The following IL11RA variants were observed in gnomAD, a reference collection of about 807,000 sequenced individuals.
IL11RA encodes interleukin 11 receptor subunit alpha.
IL11RA carries 51 observed loss-of-function variants against 57.0 expected under a neutral mutation model. The ratio of observed to expected loss-of-function variants is 0.89; its 90% CI spans 0.71 to 1.13. The LOEUF (loss-of-function observed/expected upper bound fraction) is 1.13, where lower values mean the gene tolerates loss of function less well. Ranked by LOEUF, IL11RA falls within the 50% of genes most tolerant of loss-of-function variation. The pLI is 0.00. For missense variants in IL11RA, 498 were observed against 539.4 expected (o/e 0.92, Z 0.76); for synonymous variants, 199 against 217.5 (o/e 0.91, Z 0.75).
At chr9:34,657,274 C>T in intron 5 of IL11RA, 29 bp from the exon 6 acceptor site, 1 of 1,614,118 alleles carries the variant, frequency 6.2e-7, no homozygotes, top group South Asian at 1.1e-5. Context: ...CTTTTCCTTC[C>T]TGACTTCAGA....
rs1821398324 is a variant in IL11RA, at chr9:34,658,746, G to A, written c.810+63G>A. 1 of 1,571,426 alleles carries A rather than the reference G, an allele frequency of 6.4e-7. No homozygotes were observed. Among genetic ancestry groups the A allele is most frequent in the African/African-American group, 1.3e-5 (1 of 74,278 alleles). ...TCCTGTCTCTGATTTCACGATCCTGGGTGTTCTGTATAGCTTTCCAGTGCT... is the reference window on the plus strand; with the variant it reads ...TCCTGTCTCTGATTTCACGATCCTGAGTGTTCTGTATAGCTTTCCAGTGCT... On this transcript the variant is annotated intron_variant, in intron 8 of 12. Transcript: ENST00000441545. This position sits in a 1 kb window ranked among gnomAD's most constrained non-coding sequence, Gnocchi z 4.0.
intron 12 of IL11RA, 53 bp downstream of exon 12, chr9:34,660,989 A>G (rs1821446435): frequency 7.0e-7 from 1 of 1,430,012 alleles, no homozygotes; most frequent in East Asian, 2.3e-5. Context: ...CCCTATTTTG[A>G]GTGTCCAGAT....
At chr9:34,656,533 G>A (rs1444091220) in intron 3 of IL11RA, among the ~76,000 whole-genome samples, 2 of 152,196 alleles carry the variant, frequency 1.3e-5, no homozygotes, top group East Asian at 1.9e-4. Flanking sequence ...CAATGTAGCT[G>A]GAGTTTTCAG....
chr9:34,661,505 C>G lies in IL11RA; in HGVS notation c.*7C>G, dbSNP rs934200482. 1 of 1,613,820 alleles carries G rather than the reference C, an allele frequency of 6.2e-7. No homozygotes were observed. The highest frequency in any genetic ancestry group is 2.2e-5 in the East Asian group (1 of 44,882). On this transcript the variant is annotated 3_prime_UTR_variant, in exon 13 of 13. Coordinates refer to ENST00000441545, the MANE Select transcript of IL11RA (RefSeq NM_001142784.3). The stretch of plus-strand genomic sequence containing the variant: ...AGGAGCTCCAAACCTGTAGAGGACC[C>G]AGGAGGGCTTCGGCAGATTCCACCT...
rs1821430432 is a variant in IL11RA at position 34,660,354 on chromosome 9, C to T, written c.1033C>T (p.Pro345Ser). The change falls in exon 10 of 13, where the codon CCT (proline) becomes TCT (serine). Residue 345 changes from proline to serine, a missense_variant. Physicochemically the swap from Pro to Ser is moderately conservative, Grantham distance 74 (BLOSUM62 -1). Transcript: ENST00000441545. Reference sequence around the variant, plus strand: ...GGAGCCTCAGGTGGACAGCCCTGCTCCTCCAAGGCCCTCCCTCCAACCACA... The same window carrying T: ...GGAGCCTCAGGTGGACAGCCCTGCTTCTCCAAGGCCCTCCCTCCAACCACA... Reference protein sequence around the residue: ...EVEPQVDSPAPPRPSLQPHPR... With the variant: ...EVEPQVDSPASPRPSLQPHPR... The T allele has an allele frequency of 1.2e-6, 2 of 1,614,196 alleles. No homozygotes were observed. The highest frequency in any genetic ancestry group is 1.7e-6 in the Non-Finnish European group (2 of 1,180,004).
intron 1 of IL11RA, chr9:34,654,145 T>G (rs3808868): frequency 0.41 from 62,670 of 152,640 alleles, 14,163 homozygotes; most frequent in East Asian, 0.52. Context: ...TCTTCTGGTC[T>G]TGTTCCCAGA....
rs2132358762 is a variant in IL11RA at position 34,659,771 on chromosome 9, G to A, written c.823G>A (p.Gly275Arg). 1 of 1,614,200 alleles carries A rather than the reference G, an allele frequency of 6.2e-7. No homozygotes were observed. Residue 275 changes from glycine to arginine, a missense_variant, in exon 9 of 13, where the codon GGA becomes AGA. Gly to Arg is a moderately radical substitution (Grantham distance 125). Coordinates refer to ENST00000441545, the MANE Select transcript of IL11RA (RefSeq NM_001142784.3). ...TGTTTACCCCCAGGTGGAGCCAGCTGGACTGGAGGAGGTGATCACAGATGC... is the reference window on the plus strand; with the variant it reads ...TGTTTACCCCCAGGTGGAGCCAGCTAGACTGGAGGAGGTGATCACAGATGC... ...HPAWSTVEPAGLEEVITDAVA... is the reference protein window; with the variant it reads ...HPAWSTVEPARLEEVITDAVA...
In IL11RA at chr9:34,658,712, G is replaced by A; in HGVS notation, c.810+29G>A. Reference sequence around the variant, plus strand: ...AGGCCTGGAGTGCGTCCCAACCCACGGCTGTGGGTCCTGTCTCTGATTTCA... The same window carrying A: ...AGGCCTGGAGTGCGTCCCAACCCACAGCTGTGGGTCCTGTCTCTGATTTCA... On this transcript the variant is annotated intron_variant, in intron 8 of 12. Coordinates refer to ENST00000441545, the MANE Select transcript of IL11RA (RefSeq NM_001142784.3). This position sits in a 1 kb window ranked among gnomAD's most constrained non-coding sequence, Gnocchi z 4.0. 8 of 1,604,482 alleles carry A rather than the reference G, an allele frequency of 5.0e-6. No homozygotes were observed. Among genetic ancestry groups the A allele is most frequent in the East Asian group, 4.5e-5 (2 of 44,852 alleles).
chr9:34,658,530 C>T lies in IL11RA; in HGVS notation c.657C>T (p.Asp219=), dbSNP rs751122939. ...DVSLQSILRP[D]PPQGLRVESV... ...TCTTGATGCCCTTAGTGCGCCCTGA[C>T]CCACCCCAGGGCCTGCGGGTAGAGT... The change falls in exon 8 of 13, where the codon GAC becomes GAT. Residue 219 remains aspartate (D), a synonymous_variant. Coordinates refer to ENST00000441545, the MANE Select transcript of IL11RA (RefSeq NM_001142784.3). The surrounding 1 kb of genome is among the most constrained non-coding windows in gnomAD (Gnocchi z 4.0). The T allele has an allele frequency of 2.5e-6, 4 of 1,614,192 alleles. No individual in the cohort carries two copies. The South Asian group carries it at 4.4e-5, about 18-fold the overall frequency.
In IL11RA at chr9:34,658,667, A is replaced by C; in HGVS notation, c.794A>C (p.His265Pro). ...KFRLQYRPAQ[H>P]PAWSTVEPAG... ...CGTTTGCAGTACCGTCCGGCGCAGC[A>C]TCCAGCCTGGTCCACGGTGAGGCCT... The change falls in exon 8 of 13, where the codon CAT becomes CCT. Residue 265 changes from histidine to proline, a missense_variant. Coordinates refer to ENST00000441545, the MANE Select transcript of IL11RA (RefSeq NM_001142784.3). The surrounding 1 kb of genome is among the most constrained non-coding windows in gnomAD (Gnocchi z 4.0). 6.2e-7 allele frequency: 1 copy of C among 1,613,244 alleles called. No individual in the cohort carries two copies. Among genetic ancestry groups the C allele is most frequent in the Non-Finnish European group, 8.5e-7 (1 of 1,180,026 alleles).
rs377421299 is a variant in IL11RA, at chr9:34,657,130, C to T, written c.427C>T (p.Arg143Cys). 72 of 1,613,882 alleles carry T rather than the reference C, an allele frequency of 4.5e-5. 1 individual carries two copies. Among genetic ancestry groups the T allele is most frequent in the South Asian group, 3.6e-4 (33 of 91,078 alleles). ...SPSQISGLPTRYLTSYRKKTV... is the reference protein window; with the variant it reads ...SPSQISGLPTCYLTSYRKKTV... ...CAGCCAGATCAGCGGTTTACCCACCCGCTACCTCACCTCCTACAGGTGTGT... is the reference window on the plus strand; with the variant it reads ...CAGCCAGATCAGCGGTTTACCCACCTGCTACCTCACCTCCTACAGGTGTGT... Residue 143 changes from arginine (R) to cysteine (C), a missense_variant, in exon 5 of 13, where the codon CGC becomes TGC. Coordinates refer to ENST00000441545, the MANE Select transcript of IL11RA (RefSeq NM_001142784.3).
Position 34,658,406 on chromosome 9 carries a change from C to T in IL11RA, c.647-114C>T. On this transcript the variant is annotated intron_variant, in intron 7 of 12. Transcript: ENST00000441545. This position sits in a 1 kb window ranked among gnomAD's most constrained non-coding sequence, Gnocchi z 4.0. ...ATGGATGATCAAGTTTAAGATTTCC[C>T]CTCCCCTCTCAGGAGTGTCTGGCTA... 1 of 1,064,974 alleles carries T rather than the reference C, an allele frequency of 9.4e-7. No individual in the cohort carries two copies. Among genetic ancestry groups the T allele is most frequent in the Non-Finnish European group, 1.5e-6 (1 of 686,882 alleles). The allele number at this position is 1,064,974 out of a possible 1,614,324, so 66.0% of individuals were successfully genotyped here.
chr9:34,658,451 CTT>C lies in IL11RA; in HGVS notation c.647-67_647-66del. The C allele has an allele frequency of 1.3e-6, 2 of 1,514,994 alleles. No individual in the cohort carries two copies. Among genetic ancestry groups the C allele is most frequent in the Non-Finnish European group, 1.8e-6 (2 of 1,089,572 alleles). The allele number at this position is 1,514,994 out of a possible 1,614,324, so 93.8% of individuals were successfully genotyped here. A position where few individuals can be genotyped will look rare whatever the true frequency, so the allele number is the denominator to read the frequency against. On this transcript the variant is annotated intron_variant, in intron 7 of 12. Coordinates refer to ENST00000441545, the MANE Select transcript of IL11RA (RefSeq NM_001142784.3). This position sits in a 1 kb window ranked among gnomAD's most constrained non-coding sequence, Gnocchi z 4.0. ...TGGCTAAGGCTCCTTTAAACACACA[CTT>C]TGGGAAGTGGTGGGGAAGTGATGGA...
Position 34,658,955 on chromosome 9 carries a change from C to T in IL11RA, c.810+272C>T, listed in dbSNP as rs1450948394. On this transcript the variant is annotated intron_variant, in intron 8 of 12. Coordinates refer to ENST00000441545, the MANE Select transcript of IL11RA (RefSeq NM_001142784.3). The surrounding 1 kb of genome is among the most constrained non-coding windows in gnomAD (Gnocchi z 4.0). ...ACTTTTTTTTTTTGAGAGGGAGTCT[C>T]GCTCTGTCACCTAGGCTGGAGTGCA... 1.3e-5 allele frequency among the ~76,000 whole-genome samples: 2 copies of T among 151,960 alleles called. No homozygotes were observed. Among genetic ancestry groups the T allele is most frequent in the African/African-American group, 4.8e-5 (2 of 41,348 alleles).
At position 34,658,348 on chromosome 9, in the gene IL11RA, C is replaced by T. The variant is rs1821386302; in HGVS notation, c.647-172C>T. Among the ~76,000 whole-genome samples, 2 of 152,188 alleles carry T rather than the reference C, an allele frequency of 1.3e-5. No homozygotes were observed. The highest frequency in any genetic ancestry group is 1.5e-5 in the Non-Finnish European group (1 of 68,028). On this transcript the variant is annotated intron_variant, in intron 7 of 12. Transcript: ENST00000441545. The surrounding 1 kb of genome is among the most constrained non-coding windows in gnomAD (Gnocchi z 4.0). ...TGAGCCACCACACGCGGCCTCAGCC[C>T]ATTTCATAATACAGATGACCGGTCT...
In IL11RA at chr9:34,657,147, C is replaced by T. The variant is rs1009159318; in HGVS notation, c.444C>T (p.Tyr148=). ...TACCCACCCGCTACCTCACCTCCTA[C>T]AGGTGTGTGTGTGATTGGGTGTGGA... ...SGLPTRYLTS[Y]RKKTVLGADS... Residue 148 remains tyrosine (Y), a splice_region_variant and synonymous_variant, in exon 5 of 13, where the codon TAC becomes TAT. Transcript: ENST00000441545. 3.7e-6 allele frequency: 6 copies of T among 1,611,744 alleles called. No homozygotes were observed. Among genetic ancestry groups the T allele is most frequent in the Admixed American group, 1.7e-5 (1 of 60,002 alleles).
In IL11RA at chr9:34,656,114, C is replaced by G. The variant is rs1359487230; in HGVS notation, c.161+449C>G. On this transcript the variant is annotated intron_variant, in intron 3 of 12. Coordinates refer to ENST00000441545, the MANE Select transcript of IL11RA (RefSeq NM_001142784.3). ...TGGTGCAATCTGGGCTCACTGCAAC[C>G]TCTGCCTCCTGGGTTCAAGCAATTC... Among the ~76,000 whole-genome samples the G allele has an allele frequency of 2.0e-5, 3 of 151,848 alleles. No homozygotes were observed. The East Asian group carries it at 5.8e-4, about 29-fold the overall frequency.
Position 34,658,465 on chromosome 9 carries a change from G to C in IL11RA, c.647-55G>C, listed in dbSNP as rs41306106. The C allele has an allele frequency of 3.1e-3, 4,934 of 1,568,274 alleles. 9 individuals carry two copies. The highest frequency in any genetic ancestry group is 3.9e-3 in the Non-Finnish European group (4,383 of 1,138,208). ...TTAAACACACACTTTGGGAAGTGGT[G>C]GGGAAGTGATGGAGACCCATAGCCT... On this transcript the variant is annotated intron_variant, in intron 7 of 12. Coordinates refer to ENST00000441545, the MANE Select transcript of IL11RA (RefSeq NM_001142784.3). This position sits in a 1 kb window ranked among gnomAD's most constrained non-coding sequence, Gnocchi z 4.0.
rs184981667 is a variant in IL11RA at position 34,659,823 on chromosome 9, G to A, written c.875G>A (p.Arg292Gln). ...GTGGCTGGGCTGCCCCATGCTGTAC[G>A]AGTCAGTGCCCGGGACTTTCTAGAT... ...DAVAGLPHAV[R>Q]VSARDFLDAG... The change falls in exon 9 of 13, where the codon CGA becomes CAA. Residue 292 changes from arginine (R) to glutamine (Q), a missense_variant. Transcript: ENST00000441545. The A allele has an allele frequency of 1.4e-5, 22 of 1,614,222 alleles. No homozygotes were observed. The African/African-American group carries it at 1.7e-4, about 13-fold the overall frequency.
Sources: allele counts gnomAD v4.1 joint callset (sites outside exome capture counted in the v4.1 genomes callset), GRCh38; gene constraint gnomAD v4.1.1; non-coding constraint Gnocchi (gnomAD v3.1); transcripts MANE v1.5; gene names NCBI Gene and HGNC (gene_info 2026-07-23, HGNC 2026-07-21).